Variants in SPON1 observed in about 807,000 individuals in gnomAD.
SPON1 encodes spondin 1.
SPON1 carries 52 observed loss-of-function variants against 111.7 expected under a neutral mutation model. That is an observed-to-expected ratio of 0.47 (90% CI 0.37 to 0.59). The LOEUF (loss-of-function observed/expected upper bound fraction) is 0.59, where lower values mean the gene tolerates loss of function less well. SPON1 is among the 20% of genes least tolerant of loss of function. The probability of loss-of-function intolerance (pLI) is 0.00; values close to 1 mark genes in which losing one functional copy is unlikely to be tolerated. For missense variants in SPON1, 957 were observed against 1,068.5 expected, an observed-to-expected ratio of 0.90 and a Z score of 1.46; for synonymous variants, 410 against 395.8, an observed-to-expected ratio of 1.04 and a Z score of -0.43.
At position 14,117,509 on chromosome 11, in the gene SPON1, T is replaced by G. The variant is rs1849275591; in HGVS notation, c.677-17911T>G. ...AATTTTGAATGTTAGACTACCCTTGTATTCTTGGAATAAACCCTACATTGT... is the reference window on the plus strand; with the variant it reads ...AATTTTGAATGTTAGACTACCCTTGGATTCTTGGAATAAACCCTACATTGT... On this transcript the variant is annotated intron_variant, in intron 5 of 15. Coordinates refer to ENST00000576479, the MANE Select transcript of SPON1 (RefSeq NM_006108.4). Among the ~76,000 whole-genome samples the G allele has an allele frequency of 1.3e-5, 2 of 152,234 alleles. 1 individual carries two copies. Among genetic ancestry groups the G allele is most frequent in the South Asian group, 4.1e-4 (2 of 4,826 alleles).
intron 14 of SPON1, among the ~76,000 whole-genome samples, chr11:14,261,480 C>T (rs539963042): frequency 4.6e-5 from 7 of 152,338 alleles, no homozygotes; most frequent in African/African-American, 1.7e-4. Flanking sequence ...TCAGTTTCTC[C>T]ATCTGTAAAA....
chr11:14,160,857 A>ATTTT, intron 6 of SPON1, among the ~76,000 whole-genome samples: 1 of 48,022 alleles, frequency 2.1e-5, no homozygotes, highest in African/African-American at 8.3e-5. Flanking sequence ...ATATTTATAT[A>ATTTT]TATTTATATA....
chr11:14,079,340 C>T (rs1848942384), intron 4 of SPON1, among the ~76,000 whole-genome samples: 1 of 152,180 alleles, frequency 6.6e-6, no homozygotes, highest in Admixed American at 6.5e-5. Context: ...TCTCTGAAAG[C>T]ATGATAAGAA....
chr11:14,198,573 A>G (rs953627879), intron 6 of SPON1, among the ~76,000 whole-genome samples: 56 of 152,346 alleles, frequency 3.7e-4, no homozygotes, highest in African/African-American at 1.3e-3. Context: ...TCAGGTCTCC[A>G]TACACACTGC....
At chr11:14,043,829 A>G (rs547629618) in intron 3 of SPON1, among the ~76,000 whole-genome samples, 6 of 152,236 alleles carry the variant, frequency 3.9e-5, no homozygotes, top group African/African-American at 1.2e-4. Context: ...ATGTTTATCC[A>G]TTAACATGTA....
At chr11:14,025,505 TAGG>T (rs1848511082) in intron 2 of SPON1, among the ~76,000 whole-genome samples, 1 of 152,204 alleles carries the variant, frequency 6.6e-6, no homozygotes, top group South Asian at 2.1e-4. Flanking sequence ...CTGAAGCCCT[TAGG>T]AGGTCACTGC....
chr11:14,040,357 C>G lies in SPON1; in HGVS notation c.346-1164C>G, dbSNP rs576785216. Among the ~76,000 whole-genome samples the G allele has an allele frequency of 8.5e-5, 13 of 152,136 alleles. 1 individual carries two copies. The highest frequency in any genetic ancestry group is 3.1e-4 in the African/African-American group (13 of 41,506). ...TACATGTAGTAACAATGATATAGCTCAAAAGTGTAAAGTTGAATGAAAGAA... is the reference window on the plus strand; with the variant it reads ...TACATGTAGTAACAATGATATAGCTGAAAAGTGTAAAGTTGAATGAAAGAA... On this transcript the variant is annotated intron_variant, in intron 2 of 15. Coordinates refer to ENST00000576479, the MANE Select transcript of SPON1 (RefSeq NM_006108.4).
At chr11:14,031,972 A>G (rs1332837245) in intron 2 of SPON1, among the ~76,000 whole-genome samples, 2 of 152,186 alleles carry the variant, frequency 1.3e-5, no homozygotes, top group African/African-American at 4.8e-5. Flanking sequence ...TCCAGAAAAA[A>G]CTTAAGATGT....
intron 6 of SPON1, among the ~76,000 whole-genome samples, chr11:14,242,308 C>T (rs1172235022): frequency 3.3e-5 from 5 of 152,188 alleles, no homozygotes; most frequent in Admixed American, 1.3e-4. Flanking sequence ...GTAGCCTTGT[C>T]GCTATGAGCC....
intron 5 of SPON1, among the ~76,000 whole-genome samples, chr11:14,088,826 G>A (rs376334177): frequency 7.6e-4 from 116 of 151,778 alleles, no homozygotes; most frequent in Admixed American, 2.3e-3. Flanking sequence ...GGCTGTGTTC[G>A]TTCCTTTTCA....
At chr11:14,212,856 G>A (rs1266223654) in intron 6 of SPON1, among the ~76,000 whole-genome samples, 4 of 152,098 alleles carry the variant, frequency 2.6e-5, no homozygotes, top group African/African-American at 9.7e-5. Context: ...TCTGATAATC[G>A]AATGTCTGAG....
chr11:14,180,528 T>C (rs1389637723), intron 6 of SPON1, among the ~76,000 whole-genome samples: 1 of 152,214 alleles, frequency 6.6e-6, no homozygotes, highest in African/African-American at 2.4e-5. Flanking sequence ...TCCTGATGCA[T>C]CATCTCCACT....
intron 4 of SPON1, 21 bp from the exon 5 acceptor site, chr11:14,079,878 T>C: frequency 6.2e-7 from 1 of 1,613,916 alleles, no homozygotes. Context: ...TCTAACTTGG[T>C]GACTTTTCTG....
At chr11:14,157,037 A>G (rs1340093677) in intron 6 of SPON1, among the ~76,000 whole-genome samples, 1 of 152,198 alleles carries the variant, frequency 6.6e-6, no homozygotes, top group Non-Finnish European at 1.5e-5. Flanking sequence ...TACCATCTTA[A>G]GTATTATTGT....
chr11:14,135,413 T>C lies in SPON1; in HGVS notation c.677-7T>C. On this transcript the variant is annotated splice_polypyrimidine_tract_variant and splice_region_variant and intron_variant, in intron 5 of 15. Coordinates refer to ENST00000576479, the MANE Select transcript of SPON1 (RefSeq NM_006108.4). The surrounding 1 kb of genome is among the most constrained non-coding windows in gnomAD (Gnocchi z 4.4). ...GCTGATAACTGCCTCCTGATTGGCTTTCCCAGGTCGGGCCAACCACTGGTC... is the reference window on the plus strand; with the variant it reads ...GCTGATAACTGCCTCCTGATTGGCTCTCCCAGGTCGGGCCAACCACTGGTC... The C allele has an allele frequency of 1.2e-6, 2 of 1,603,224 alleles. No individual in the cohort carries two copies. The highest frequency in any genetic ancestry group is 1.7e-6 in the Non-Finnish European group (2 of 1,171,346).
chr11:14,079,763 G>T, intron 4 of SPON1, 136 bp from the exon 5 acceptor site: 1 of 859,048 alleles, frequency 1.2e-6, no homozygotes, highest in Non-Finnish European at 1.8e-6. Flanking sequence ...TACTGATCTG[G>T]CTCTAAGTCT....
intron 2 of SPON1, among the ~76,000 whole-genome samples, chr11:14,006,122 G>A (rs1325114946): frequency 6.6e-6 from 1 of 152,166 alleles, no homozygotes; most frequent in East Asian, 1.9e-4. Flanking sequence ...TGAATAATGG[G>A]ACAGGGTAAG....
chr11:14,137,645 T>C (rs1847608242), intron 6 of SPON1, among the ~76,000 whole-genome samples: 1 of 152,162 alleles, frequency 6.6e-6, no homozygotes, highest in African/African-American at 2.4e-5. Context: ...ACTAGACATA[T>C]AATCTGCTCC....
intron 5 of SPON1, among the ~76,000 whole-genome samples, chr11:14,125,467 C>T (rs566041548): frequency 6.6e-6 from 1 of 152,158 alleles, no homozygotes; most frequent in African/African-American, 2.4e-5. Context: ...TCATATATAA[C>T]TACTATAGCA....
Sources: allele counts gnomAD v4.1 joint callset (sites outside exome capture counted in the v4.1 genomes callset), GRCh38; gene constraint gnomAD v4.1.1; non-coding constraint Gnocchi (gnomAD v3.1); transcripts MANE v1.5; gene names NCBI Gene and HGNC (gene_info 2026-07-23, HGNC 2026-07-21).